CFHR4: variants seen among roughly 807,000 people sequenced by gnomAD.
The protein encoded by CFHR4 is complement factor H related 4.
CFHR4 carries 64 observed loss-of-function variants against 69.3 expected under a neutral mutation model. The observed-to-expected ratio is 0.92, with a 90% confidence interval of 0.76 to 1.14. CFHR4 has a LOEUF of 1.14. Among genes scored for constraint, CFHR4 ranks in the 50% most tolerant of loss-of-function variants. The pLI is 0.00. For missense variants in CFHR4, 636 were observed against 684.9 expected, an observed-to-expected ratio of 0.93 and a Z score of 0.80; for synonymous variants, 244 against 237.0, an observed-to-expected ratio of 1.03 and a Z score of -0.27.
rs572597122 is a variant in CFHR4 at position 196,907,376 on chromosome 1, C to T, written c.677C>T (p.Pro226Leu). Residue 226 changes from proline to leucine, a missense_variant, in exon 5 of 10, where the codon CCG becomes CTG. By Grantham distance (98) the Pro-to-Leu change is moderately conservative. Coordinates refer to ENST00000608469, the MANE Select transcript of CFHR4 (RefSeq NM_001201550.3). ...PISNGDTTSF[P>L]QKVYLPWSRV... ...AGCAATGGAGATACCACGTCCTTCCCGCAAAAAGTGTATCTGCCATGGTCA... is the reference window on the plus strand; with the variant it reads ...AGCAATGGAGATACCACGTCCTTCCTGCAAAAAGTGTATCTGCCATGGTCA... 223 of 1,611,776 alleles carry T rather than the reference C, an allele frequency of 1.4e-4. 2 individuals carry two copies. The highest frequency in any genetic ancestry group is 7.6e-4 in the South Asian group (69 of 91,010).
chr1:196,897,584 A>G (rs970970998), intron 1 of CFHR4, among the ~76,000 whole-genome samples: 34 of 151,092 alleles, frequency 2.3e-4, no homozygotes, highest in Non-Finnish European at 4.6e-4. Context: ...GAAGTGGGGG[A>G]TGGAGTGGGA....
chr1:196,905,960 A>G lies in CFHR4; in HGVS notation c.439+670A>G, dbSNP rs539124033. Among the ~76,000 whole-genome samples the G allele has an allele frequency of 1.7e-3, 258 of 151,682 alleles. 8 individuals carry two copies. The highest frequency in any genetic ancestry group is 5.9e-3 in the African/African-American group (243 of 41,290). ...TAATAAAGAGATTGCATAATGAACA[A>G]TGGAAACCTTGCAGTGGCAAAAGTT... On this transcript the variant is annotated intron_variant, in intron 3 of 9. Transcript: ENST00000608469.
rs1360038778 is a variant in CFHR4 at position 196,912,907 on chromosome 1, C to A, written c.1165C>A (p.Gln389Lys). Reference sequence around the variant, plus strand: ...ATGTTTGCAAAATGGATGGTCAGCACAACCAATTTGCATTAGTAAGTGATT... The same window carrying A: ...ATGTTTGCAAAATGGATGGTCAGCAAAACCAATTTGCATTAGTAAGTGATT... ...ITCLQNGWSA[Q>K]PICIKFCDMP... Residue 389 changes from glutamine to lysine, a missense_variant, in exon 7 of 10, where the codon CAA becomes AAA. By Grantham distance (53) the Gln-to-Lys change is moderately conservative. Around this residue, in one of 3 missense-constraint regions of CFHR4, gnomAD observed 529 missense variants for 533.2 expected, o/e 0.99. Transcript: ENST00000608469. 8.1e-6 allele frequency: 13 copies of A among 1,611,628 alleles called. No individual in the cohort carries two copies. The highest frequency in any genetic ancestry group is 2.7e-5 in the African/African-American group (2 of 74,448).
chr1:196,897,254 G>T (rs1281540566), intron 1 of CFHR4, among the ~76,000 whole-genome samples: 2 of 151,582 alleles, frequency 1.3e-5, no homozygotes, highest in African/African-American at 2.4e-5. Context: ...GCTTGCAGAC[G>T]GGCAGGTGCA....
Position 196,904,117 on chromosome 1 carries a change from G to A in CFHR4, c.257-991G>A, listed in dbSNP as rs148491480. Among the ~76,000 whole-genome samples, 117 of 151,724 alleles carry A rather than the reference G, an allele frequency of 7.7e-4. 3 individuals are homozygous for A. Among genetic ancestry groups the A allele is most frequent in the African/African-American group, 2.5e-3 (103 of 41,228 alleles). ...TCAACAACAGCCTAAGCCTCTGGAA[G>A]GGAAGTCCCTTTTGCTCCTGCCATA... On this transcript the variant is annotated intron_variant, in intron 2 of 9. Coordinates refer to ENST00000608469, the MANE Select transcript of CFHR4 (RefSeq NM_001201550.3).
Position 196,905,813 on chromosome 1 carries a change from C to T in CFHR4, c.439+523C>T, listed in dbSNP as rs185014629. Among the ~76,000 whole-genome samples the T allele has an allele frequency of 2.6e-4, 39 of 151,400 alleles. 1 individual carries two copies. The highest frequency in any genetic ancestry group is 2.2e-3 in the Admixed American group (34 of 15,142). The stretch of plus-strand genomic sequence containing the variant: ...ATTATTTCCAGCTTATTGTCTAGTA[C>T]AGAGAAAACAAGTAAAGAAAAAGAG... On this transcript the variant is annotated intron_variant, in intron 3 of 9. Coordinates refer to ENST00000608469, the MANE Select transcript of CFHR4 (RefSeq NM_001201550.3).
chr1:196,902,651 A>G, intron 2 of CFHR4, 36 bp downstream of exon 2: 3 of 1,451,502 alleles, frequency 2.1e-6, no homozygotes, highest in Non-Finnish European at 1.9e-6. Context: ...TGTGCATAAA[A>G]CTTGAAAAGA....
intron 1 of CFHR4, among the ~76,000 whole-genome samples, chr1:196,900,063 T>A (rs1026816966): frequency 1.3e-5 from 2 of 151,566 alleles, no homozygotes; most frequent in Non-Finnish European, 1.5e-5. Context: ...TCTAAAAAAA[T>A]TAAATTTAGT....
intron 6 of CFHR4, among the ~76,000 whole-genome samples, chr1:196,911,009 C>T (rs1340090049): frequency 6.6e-6 from 1 of 151,332 alleles, no homozygotes; most frequent in Admixed American, 6.6e-5. Context: ...ATCCTGGCTA[C>T]AGTCTTTCAA....
chr1:196,888,067 C>T lies in CFHR4; in HGVS notation c.-84C>T. 1.4e-6 allele frequency: 2 copies of T among 1,389,818 alleles called. No homozygotes were observed. Among genetic ancestry groups the T allele is most frequent in the Non-Finnish European group, 2.0e-6 (2 of 983,742 alleles). 86.1% of individuals were successfully genotyped at this position (1,389,818 alleles called of 1,614,324 possible). The stretch of plus-strand genomic sequence containing the variant: ...TAGTGCACTTAAATTCAGAATCACA[C>T]TTGGTAACTAATAATGAAAGATTTC... On this transcript the variant is annotated 5_prime_UTR_variant, in exon 1 of 10. Coordinates refer to ENST00000608469, the MANE Select transcript of CFHR4 (RefSeq NM_001201550.3).
intron 1 of CFHR4, among the ~76,000 whole-genome samples, chr1:196,889,212 A>T (rs1035611375): frequency 2.6e-5 from 4 of 151,500 alleles, no homozygotes; most frequent in Admixed American, 6.6e-5. Context: ...GATTCTAAGT[A>T]AACAGCTTTA....
intron 1 of CFHR4, 71 bp from the exon 2 acceptor site, chr1:196,902,347 C>A (rs1657660595): frequency 1.8e-6 from 2 of 1,092,476 alleles, no homozygotes; most frequent in Admixed American, 2.2e-5. Context: ...ATTTATTGAT[C>A]AAAAATGTCA....
Position 196,914,677 on chromosome 1 carries a change from T to C in CFHR4, c.1357+6T>C, listed in dbSNP as rs377192921. 366 of 1,588,012 alleles carry C rather than the reference T, an allele frequency of 2.3e-4. 3 individuals carry two copies. The highest frequency in any genetic ancestry group is 2.1e-4 in the Non-Finnish European group (241 of 1,171,844). ...CCATTTCCCAACATGTTATAGTAAG[T>C]ATTTTATTCAAGTATTTTTTATTAG... On this transcript the variant is annotated splice_donor_region_variant and intron_variant, in intron 8 of 9. Transcript: ENST00000608469.
chr1:196,905,026 A>G (rs900935631), intron 2 of CFHR4, 82 bp from the exon 3 acceptor site: 3 of 1,240,466 alleles, frequency 2.4e-6, no homozygotes, highest in Non-Finnish European at 3.3e-6. Flanking sequence ...GTTTCACCAT[A>G]CTGCCATGTT....
At chr1:196,900,485 T>A (rs1168172409) in intron 1 of CFHR4, among the ~76,000 whole-genome samples, 1 of 151,328 alleles carries the variant, frequency 6.6e-6, no homozygotes, top group Non-Finnish European at 1.5e-5. Context: ...TGAAAAGAAA[T>A]CTCAGCAGAC....
chr1:196,917,984 C>T (rs1658750222), intron 9 of CFHR4, among the ~76,000 whole-genome samples: 3 of 151,522 alleles, frequency 2.0e-5, no homozygotes, highest in East Asian at 1.9e-4. Context: ...CCAGGGTTCA[C>T]GTTTATCACC....
Position 196,910,379 on chromosome 1 carries a change from T to C in CFHR4, c.898T>C (p.Ser300Pro). The C allele has an allele frequency of 6.2e-7, 1 of 1,611,876 alleles. No individual in the cohort carries two copies. Among genetic ancestry groups the C allele is most frequent in the Non-Finnish European group, 8.5e-7 (1 of 1,178,846 alleles). ...TCCAGTAGCTACAGGACAATCTTAC[T>C]CCTATTACTGTGACCAAAATTTTGT... ...YFPVATGQSY[S>P]YYCDQNFVTP... The change falls in exon 6 of 10, where the codon TCC (serine) becomes CCC (proline). Residue 300 changes from serine to proline, a missense_variant. Ser to Pro is a moderately conservative substitution (Grantham distance 74, BLOSUM62 -1). Coordinates refer to ENST00000608469, the MANE Select transcript of CFHR4 (RefSeq NM_001201550.3).
chr1:196,904,390 A>ATT (rs1173532115), intron 2 of CFHR4, among the ~76,000 whole-genome samples: 1 of 151,398 alleles, frequency 6.6e-6, no homozygotes, highest in Non-Finnish European at 1.5e-5. Context: ...GTCCATTTAC[A>ATT]TTTTTTTCTA....
intron 5 of CFHR4, among the ~76,000 whole-genome samples, chr1:196,909,017 GC>G (rs1158146860): frequency 6.6e-6 from 1 of 151,454 alleles, no homozygotes; most frequent in African/African-American, 2.4e-5. Context: ...TCCAAACCAT[GC>G]AAGTGGCAAG....
Sources: allele counts gnomAD v4.1 joint callset (sites outside exome capture counted in the v4.1 genomes callset), GRCh38; gene constraint gnomAD v4.1.1; regional missense constraint gnomAD v4.1.1; transcripts MANE v1.5; gene names NCBI Gene and HGNC (gene_info 2026-07-23, HGNC 2026-07-21).